The following NPAS3 variants were observed in gnomAD, a reference collection of about 807,000 sequenced individuals.
The protein encoded by NPAS3 is neuronal PAS domain-containing protein 3.
In NPAS3, 14 loss-of-function variants were observed where a neutral mutation model predicts 73.1. The observed-to-expected ratio is 0.19, with a 90% CI of 0.13 to 0.30. The LOEUF is 0.30. Among genes scored for constraint, NPAS3 ranks in the 10% least tolerant of loss-of-function variants. The probability of loss-of-function intolerance (pLI) is 1.00; values close to 1 mark genes in which losing one functional copy is unlikely to be tolerated. For synonymous variants in NPAS3, 620 were observed against 541.5 expected (o/e 1.14, Z -2.01); for missense variants, 1,096 against 1,250.0 (o/e 0.88, Z 1.86).
chr14:33,329,661 AG>A (rs1449069219), intron 3 of NPAS3, among the ~76,000 whole-genome samples: 1 of 152,098 alleles, frequency 6.6e-6, no homozygotes, highest in African/African-American at 2.4e-5. Flanking sequence ...TGGGGTAGGC[AG>A]GGGCATGATC....
chr14:33,507,538 A>G (rs2052824479), intron 4 of NPAS3, among the ~76,000 whole-genome samples: 1 of 151,970 alleles, frequency 6.6e-6, no homozygotes, highest in Non-Finnish European at 1.5e-5. Context: ...TCCCAAGCAT[A>G]GTAAGGTTAT....
chr14:33,578,066 T>G (rs1464298989), intron 5 of NPAS3, among the ~76,000 whole-genome samples: 1 of 152,270 alleles, frequency 6.6e-6, no homozygotes, highest in Non-Finnish European at 1.5e-5. Flanking sequence ...TGGGATAGCA[T>G]GTTTTTTCTA....
At chr14:33,048,569 C>A (rs1480312632) in intron 1 of NPAS3, among the ~76,000 whole-genome samples, 2 of 152,226 alleles carry the variant, frequency 1.3e-5, no homozygotes, top group African/African-American at 4.8e-5. Flanking sequence ...GTTCTCTACA[C>A]ACCCTTTCAC....
chr14:33,501,475 T>C (rs2052510899), intron 4 of NPAS3, among the ~76,000 whole-genome samples: 1 of 151,912 alleles, frequency 6.6e-6, no homozygotes, highest in Admixed American at 6.6e-5. Flanking sequence ...TACTAAATAT[T>C]GGCCACTCTC....
intron 4 of NPAS3, among the ~76,000 whole-genome samples, chr14:33,392,328 AT>A (rs1395194490): frequency 6.6e-6 from 1 of 152,152 alleles, no homozygotes. Flanking sequence ...ATTTCTTTAC[AT>A]TCACAACCTC....
In NPAS3 at chr14:33,462,715, G is replaced by A. The variant is rs552060140; in HGVS notation, c.468+95447G>A. 6.4e-4 allele frequency among the ~76,000 whole-genome samples: 98 copies of A among 152,296 alleles called. 1 individual carries two copies. The highest frequency in any genetic ancestry group is 3.5e-3 in the Admixed American group (53 of 15,304). Reference sequence around the variant, plus strand: ...CCTAAGGCACCCGGGAAGACTTCAGGAGGAGCTGATGTTTGAAGTCCTAAT... The same window carrying A: ...CCTAAGGCACCCGGGAAGACTTCAGAAGGAGCTGATGTTTGAAGTCCTAAT... On this transcript the variant is annotated intron_variant, in intron 4 of 11. Transcript: ENST00000356141.
chr14:32,958,148 A>G, intron 1 of NPAS3, among the ~76,000 whole-genome samples: 1 of 151,382 alleles, frequency 6.6e-6, no homozygotes, highest in East Asian at 1.9e-4. Flanking sequence ...CTCTTTTTAT[A>G]AAAGCCTGTG....
intron 7 of NPAS3, among the ~76,000 whole-genome samples, chr14:33,770,182 A>G (rs1476597533): frequency 6.6e-6 from 1 of 152,198 alleles, no homozygotes; most frequent in Admixed American, 6.5e-5. Flanking sequence ...TTGCTGGTTT[A>G]TTCCAATGTG....
At chr14:33,249,352 T>C (rs1209584679) in intron 3 of NPAS3, among the ~76,000 whole-genome samples, 2 of 348 alleles carry the variant, frequency 5.7e-3, no homozygotes, top group Admixed American at 0.17. Flanking sequence ...CCCCCCACCT[T>C]TTTTTTTTTT....
intron 4 of NPAS3, among the ~76,000 whole-genome samples, chr14:33,518,155 A>T (rs150545614): frequency 9.1e-4 from 139 of 152,212 alleles, no homozygotes; most frequent in African/African-American, 3.2e-3. Context: ...CTGTATATTC[A>T]GTACAAGCAT....
chr14:33,563,517 T>TACAC (rs146854404), intron 5 of NPAS3, among the ~76,000 whole-genome samples: 84 of 106,938 alleles, frequency 7.9e-4, no homozygotes, highest in East Asian at 4.2e-3. Context: ...TACACATACA[T>TACAC]ACACACACAC....
intron 4 of NPAS3, among the ~76,000 whole-genome samples, chr14:33,411,991 A>G (rs1308269183): frequency 1.3e-5 from 2 of 152,196 alleles, no homozygotes; most frequent in Admixed American, 6.5e-5. Context: ...TCAATGTACA[A>G]TGTAAAAGCT....
chr14:33,348,970 C>A (rs1187931924), intron 3 of NPAS3, among the ~76,000 whole-genome samples: 1 of 152,138 alleles, frequency 6.6e-6, no homozygotes, highest in Non-Finnish European at 1.5e-5. Context: ...TTTGCCCTTG[C>A]CAGGGTCCTC....
intron 1 of NPAS3, among the ~76,000 whole-genome samples, chr14:32,956,634 A>G (rs1288055061): frequency 6.6e-6 from 1 of 152,180 alleles, no homozygotes; most frequent in Non-Finnish European, 1.5e-5. Flanking sequence ...ACTTTCTCCA[A>G]AGTTTATAAT....
At chr14:33,279,613 C>T (rs2041499355) in intron 3 of NPAS3, among the ~76,000 whole-genome samples, 1 of 152,126 alleles carries the variant, frequency 6.6e-6, no homozygotes, top group Non-Finnish European at 1.5e-5. Flanking sequence ...TGCAATTTAA[C>T]AAGATCTTCA....
intron 2 of NPAS3, among the ~76,000 whole-genome samples, chr14:33,147,782 AG>A (rs1291037447): frequency 6.7e-6 from 1 of 148,782 alleles, no homozygotes; most frequent in African/African-American, 2.5e-5. Context: ...GATTAAAAAA[AG>A]TATGCACAGT....
intron 7 of NPAS3, among the ~76,000 whole-genome samples, chr14:33,761,509 GA>G (rs35319622): frequency 0.17 from 22,914 of 134,694 alleles, 3,923 homozygotes; most frequent in African/African-American, 0.45. Context: ...TTCCCCAGAA[GA>G]AAAAAAAAAA....
intron 2 of NPAS3, among the ~76,000 whole-genome samples, chr14:33,124,005 T>G (rs1250181594): frequency 6.6e-6 from 1 of 151,632 alleles, no homozygotes; most frequent in Non-Finnish European, 1.5e-5. Flanking sequence ...GGCCTATAGG[T>G]GCTTGCCACC....
At chr14:33,053,830 T>C (rs2138516765) in intron 1 of NPAS3, among the ~76,000 whole-genome samples, 1 of 152,310 alleles carries the variant, frequency 6.6e-6, no homozygotes, top group Admixed American at 6.5e-5. Flanking sequence ...CTTTTCTGGG[T>C]AAGTTTATTT....
Sources: gnomAD v4.1 joint callset for allele counts (sites outside exome capture counted in the v4.1 genomes callset) on GRCh38, gnomAD v4.1.1 for gene constraint, MANE v1.5 for transcripts, NCBI Gene and HGNC (gene_info 2026-07-23, HGNC 2026-07-21) for gene names.